Variants in RGS9 observed in about 807,000 individuals in gnomAD.
RGS9 encodes the protein regulator of G-protein signalling 9.
Under a neutral mutation model 102.0 loss-of-function variants are expected in RGS9, and 78 were observed. The observed-to-expected ratio is 0.76, with a 90% CI of 0.64 to 0.92. The LOEUF (loss-of-function observed/expected upper bound fraction) is 0.92, where lower values mean the gene tolerates loss of function less well. Among genes scored for constraint, RGS9 ranks in the 40% least tolerant of loss-of-function variants. The probability of loss-of-function intolerance (pLI) is 0.00; values close to 1 mark genes in which losing one functional copy is unlikely to be tolerated. For synonymous variants in RGS9, 353 were observed against 318.6 expected (o/e 1.11, Z -1.15); for missense variants, 833 against 866.1 (o/e 0.96, Z 0.48).
At chr17:65,152,712 G>A (rs776189296) in intron 1 of RGS9, among the ~76,000 whole-genome samples, 5 of 152,076 alleles carry the variant, frequency 3.3e-5, no homozygotes, top group African/African-American at 4.8e-5. Context: ...TAAGTTTTTC[G>A]TAGAGGCAGG....
At chr17:65,170,013 C>T (rs1911351520) in intron 8 of RGS9, among the ~76,000 whole-genome samples, 1 of 151,742 alleles carries the variant, frequency 6.6e-6, no homozygotes, top group African/African-American at 2.4e-5. Context: ...TGAGAACTCC[C>T]AGTGTGCTGG....
At chr17:65,156,840 G>A (rs769693432) in intron 2 of RGS9, among the ~76,000 whole-genome samples, 6 of 152,188 alleles carry the variant, frequency 3.9e-5, no homozygotes, top group Non-Finnish European at 8.8e-5. Flanking sequence ...GAGTTTAGAT[G>A]AAGGATTTTG....
intron 15 of RGS9, among the ~76,000 whole-genome samples, chr17:65,206,529 T>C (rs1423776990): frequency 6.6e-6 from 1 of 152,024 alleles, no homozygotes; most frequent in East Asian, 1.9e-4. Flanking sequence ...AATACAAAAA[T>C]TAGCTGGGCG....
Position 65,225,299 on chromosome 17 carries a change from CG to C in RGS9, c.1707del (p.Arg571GlyfsTer16). On this transcript the variant is annotated frameshift_variant, in exon 18 of 19. Transcript: ENST00000262406. LOFTEE classifies it high-confidence loss of function. ...ASLDTSWPRS[R>X]PRAPPKARMA... ...CCTCGACACCTCCTGGCCTCGCAGC[CG>C]GCCCAGGGCCCCTCCTAAGGCCCGC... 6.2e-7 allele frequency: 1 copy of C among 1,609,566 alleles called. No homozygotes were observed. Among genetic ancestry groups the C allele is most frequent in the Non-Finnish European group, 8.5e-7 (1 of 1,180,002 alleles).
chr17:65,181,161 C>T (rs1363777546), intron 9 of RGS9, among the ~76,000 whole-genome samples: 1 of 152,172 alleles, frequency 6.6e-6, no homozygotes, highest in Non-Finnish European at 1.5e-5. Context: ...TGGGTATATA[C>T]CTAGTAATGC....
intron 9 of RGS9, among the ~76,000 whole-genome samples, chr17:65,186,250 G>A (rs189770808): frequency 3.1e-4 from 47 of 151,702 alleles, no homozygotes; most frequent in Non-Finnish European, 6.0e-4. Context: ...AGGCTGGAGT[G>A]CAGTAGCATG....
At chr17:65,182,019 T>C in intron 9 of RGS9, among the ~76,000 whole-genome samples, 1 of 152,190 alleles carries the variant, frequency 6.6e-6, no homozygotes, top group East Asian at 1.9e-4. Context: ...CACCTTCTCA[T>C]ACTTCTCCCC....
rs77670239 is a variant in RGS9 at position 65,179,266 on chromosome 17, A to G, written c.654+1463A>G. On this transcript the variant is annotated intron_variant, in intron 9 of 18. Coordinates refer to ENST00000262406, the MANE Select transcript of RGS9 (RefSeq NM_003835.4). ...GACAGTGTTTGCTTTTGCTCCCTGG[A>G]GAGGGTCACCGGGGGAACCATTAGG... Among the ~76,000 whole-genome samples the G allele has an allele frequency of 2.2e-4, 34 of 152,216 alleles. 2 individuals are homozygous for G. The East Asian group carries it at 5.6e-3, about 25-fold the overall frequency.
intron 2 of RGS9, among the ~76,000 whole-genome samples, chr17:65,157,118 C>T (rs145092245): frequency 4.8e-4 from 68 of 141,206 alleles, no homozygotes; most frequent in Non-Finnish European, 6.9e-4. Context: ...TGGCAATTAT[C>T]CAGACATAAG....
chr17:65,182,927 C>T (rs1454040805), intron 9 of RGS9, among the ~76,000 whole-genome samples: 1 of 152,212 alleles, frequency 6.6e-6, no homozygotes, highest in Non-Finnish European at 1.5e-5. Context: ...TTATTTTGCA[C>T]TGAGCCTTGC....
In RGS9 at chr17:65,173,240, CCT is replaced by C. The variant is rs1911487754; in HGVS notation, c.583-4491_583-4490del. Among the ~76,000 whole-genome samples the C allele has an allele frequency of 6.6e-6, 1 of 152,014 alleles. No homozygotes were observed. Among genetic ancestry groups the C allele is most frequent in the Non-Finnish European group, 1.5e-5 (1 of 67,998 alleles). On this transcript the variant is annotated intron_variant, in intron 8 of 18. Transcript: ENST00000262406. The surrounding 1 kb of genome is among the most constrained non-coding windows in gnomAD (Gnocchi z 4.8). ...CCTGGCCTCATCTCTATTTCTTTCC[CCT>C]GTCTTATTTTGTTTAGAAAACGAGT...
chr17:65,179,902 A>G (rs1382233252), intron 9 of RGS9: 1 of 152,096 alleles, frequency 6.6e-6, no homozygotes, highest in Non-Finnish European at 1.5e-5. Flanking sequence ...TGGGTGTACG[A>G]CAGAGGGTGC....
chr17:65,167,819 C>A (rs1911252109), intron 7 of RGS9, among the ~76,000 whole-genome samples: 1 of 152,086 alleles, frequency 6.6e-6, no homozygotes, highest in South Asian at 2.1e-4. Context: ...GATCTCAGTG[C>A]AGCACTGTCC....
chr17:65,194,349 C>A (rs770281287), intron 12 of RGS9, among the ~76,000 whole-genome samples: 4 of 152,010 alleles, frequency 2.6e-5, no homozygotes, highest in Non-Finnish European at 5.9e-5. Flanking sequence ...ATGAAGAATG[C>A]GGCTATGAAC....
chr17:65,168,931 A>C (rs957156338), intron 8 of RGS9, among the ~76,000 whole-genome samples: 4 of 152,164 alleles, frequency 2.6e-5, no homozygotes, highest in Admixed American at 6.5e-5. Flanking sequence ...GTGGGGTCTG[A>C]CTGCTACATA....
intron 15 of RGS9, among the ~76,000 whole-genome samples, chr17:65,206,111 G>T (rs1337330770): frequency 6.6e-6 from 1 of 152,186 alleles, no homozygotes; most frequent in Non-Finnish European, 1.5e-5. Flanking sequence ...TGTGTGAATG[G>T]TAAATGCTGA....
At chr17:65,225,940 G>T (rs958436884) in intron 18 of RGS9, among the ~76,000 whole-genome samples, 2 of 152,064 alleles carry the variant, frequency 1.3e-5, no homozygotes, top group Non-Finnish European at 2.9e-5. Flanking sequence ...CCCACCCTAA[G>T]GAAACCTTCC....
At position 65,206,495 on chromosome 17, in the gene RGS9, T is replaced by C. The variant is rs572930296; in HGVS notation, c.1204-1427T>C. On this transcript the variant is annotated intron_variant, in intron 15 of 18. Coordinates refer to ENST00000262406, the MANE Select transcript of RGS9 (RefSeq NM_003835.4). ...GAGTTTGAGACCAGCCTGGCCAACA[T>C]GGTGAAACCCCGTCTCTACCAAAAA... is the stretch of plus-strand genomic sequence containing the variant. 4.6e-5 allele frequency among the ~76,000 whole-genome samples: 7 copies of C among 152,262 alleles called. No homozygotes were observed. The East Asian group carries it at 1.2e-3, about 25-fold the overall frequency.
chr17:65,140,616 T>C (rs779045807), intron 1 of RGS9, among the ~76,000 whole-genome samples: 10 of 152,204 alleles, frequency 6.6e-5, no homozygotes, highest in Non-Finnish European at 1.3e-4. Flanking sequence ...GGCTCATGCC[T>C]GTAATCCCAG....
Sources: gnomAD v4.1 joint callset for allele counts (sites outside exome capture counted in the v4.1 genomes callset) on GRCh38, gnomAD v4.1.1 for gene constraint, Gnocchi (gnomAD v3.1) non-coding constraint, MANE v1.5 for transcripts, NCBI Gene and HGNC (gene_info 2026-07-23, HGNC 2026-07-21) for gene names.